PXT1: variants seen among roughly 807,000 people sequenced by gnomAD.
PXT1 encodes the protein peroxisomal testis-specific protein 1.
A neutral mutation model predicts 11.0 loss-of-function variants in PXT1; 11 were observed. The ratio of observed to expected loss-of-function variants is 1.00; its 90% CI spans 0.63 to 1.66. The LOEUF (loss-of-function observed/expected upper bound fraction) is 1.66. Among genes scored for constraint, PXT1 ranks in the 40% most tolerant of loss-of-function variants. PXT1 has a pLI of 0.00. For missense variants in PXT1, 141 were observed against 155.5 expected (o/e 0.91, Z 0.49); for synonymous variants, 43 against 51.4 (o/e 0.84, Z 0.70).
At chr6:36,441,281 T>G (rs1301100124) in intron 1 of PXT1, among the ~76,000 whole-genome samples, 1 of 152,214 alleles carries the variant, frequency 6.6e-6, no homozygotes, top group Non-Finnish European at 1.5e-5. Context: ...ATAAAGGCAT[T>G]AGTTTGAACA....
intron 1 of PXT1, 51 bp from the exon 2 acceptor site, chr6:36,438,937 G>A (rs555458012): frequency 5.9e-5 from 9 of 152,074 alleles, no homozygotes; most frequent in Non-Finnish European, 1.3e-4. Context: ...TTGGGCTTGC[G>A]AAATAAAGTT....
intron 2 of PXT1, among the ~76,000 whole-genome samples, chr6:36,426,402 C>CTTTTTT (rs1554154251): frequency 1.2e-5 from 1 of 83,396 alleles, no homozygotes; most frequent in African/African-American, 4.2e-5. Flanking sequence ...CGAAGTTTTG[C>CTTTTTT]TCTTGTTGCC....
At chr6:36,394,717 C>T (rs1264375547) in intron 4 of PXT1, among the ~76,000 whole-genome samples, 2 of 62,906 alleles carry the variant, frequency 3.2e-5, no homozygotes, top group Admixed American at 1.2e-4. Context: ...AAGCATATGT[C>T]CCGGGTTTAA....
intron 3 of PXT1, among the ~76,000 whole-genome samples, chr6:36,423,722 T>C (rs934488200): frequency 6.6e-6 from 1 of 152,182 alleles, no homozygotes; most frequent in Non-Finnish European, 1.5e-5. Flanking sequence ...AGAAACGCGC[T>C]GCTGCCTGAA....
intron 3 of PXT1, among the ~76,000 whole-genome samples, chr6:36,403,502 G>A (rs146627680): frequency 2.6e-5 from 4 of 152,276 alleles, no homozygotes; most frequent in Non-Finnish European, 4.4e-5. Context: ...TACAGAGAAC[G>A]TGATGGAGAG....
intron 3 of PXT1, among the ~76,000 whole-genome samples, chr6:36,409,110 T>TA (rs1774331025): frequency 6.6e-6 from 1 of 152,314 alleles, no homozygotes; most frequent in East Asian, 1.9e-4. Context: ...TTTATACTCC[T>TA]GATTTTGTTC....
intron 4 of PXT1, among the ~76,000 whole-genome samples, chr6:36,397,764 T>C (rs1370742219): frequency 6.6e-6 from 1 of 152,052 alleles, no homozygotes; most frequent in Non-Finnish European, 1.5e-5. Flanking sequence ...AATATACAAA[T>C]GACTCCTAGG....
chr6:36,435,494 C>T (rs996126958), intron 2 of PXT1, among the ~76,000 whole-genome samples: 5 of 152,168 alleles, frequency 3.3e-5, no homozygotes, highest in Non-Finnish European at 7.4e-5. Context: ...CCCAGGAGTT[C>T]CAGGCCGCAG....
At chr6:36,429,779 A>G (rs561340784) in intron 2 of PXT1, among the ~76,000 whole-genome samples, 7 of 151,590 alleles carry the variant, frequency 4.6e-5, no homozygotes, top group Non-Finnish European at 1.0e-4. Flanking sequence ...GGCTGGGATT[A>G]CAGGCGTGAG....
At chr6:36,418,222 G>A (rs1409322471) in intron 3 of PXT1, among the ~76,000 whole-genome samples, 2 of 152,006 alleles carry the variant, frequency 1.3e-5, no homozygotes, top group Admixed American at 6.6e-5. Context: ...AAATTTGTTA[G>A]TCTGGGAATG....
intron 1 of PXT1, among the ~76,000 whole-genome samples, chr6:36,442,094 C>G (rs1471301239): frequency 6.6e-6 from 1 of 151,976 alleles, no homozygotes; most frequent in Non-Finnish European, 1.5e-5. Context: ...TGAGAGGGAA[C>G]TTCACTGCAA....
At chr6:36,437,691 T>C (rs900286934) in intron 2 of PXT1, among the ~76,000 whole-genome samples, 8 of 151,674 alleles carry the variant, frequency 5.3e-5, no homozygotes, top group Non-Finnish European at 1.0e-4. Context: ...TTTTTTAAAA[T>C]ATTTTTAGTA....
intron 3 of PXT1, among the ~76,000 whole-genome samples, chr6:36,418,710 C>T (rs759659377): frequency 1.3e-4 from 20 of 152,196 alleles, no homozygotes; most frequent in Non-Finnish European, 2.4e-4. Flanking sequence ...CCATGGGCAG[C>T]GAGGCTGCAA....
At chr6:36,420,278 T>G (rs1462505420) in intron 3 of PXT1, among the ~76,000 whole-genome samples, 2 of 152,190 alleles carry the variant, frequency 1.3e-5, no homozygotes, top group Non-Finnish European at 2.9e-5. Flanking sequence ...ACAGCCCAAG[T>G]GTAAGTCAGT....
intron 3 of PXT1, among the ~76,000 whole-genome samples, chr6:36,417,858 G>A (rs541703025): frequency 6.6e-6 from 1 of 152,176 alleles, no homozygotes; most frequent in East Asian, 1.9e-4. Context: ...CACTGGTTTG[G>A]TTCTGAATTC....
intron 2 of PXT1, among the ~76,000 whole-genome samples, chr6:36,426,617 G>A (rs1774611869): frequency 6.6e-6 from 1 of 152,062 alleles, no homozygotes; most frequent in Admixed American, 6.6e-5. Context: ...TGATCCGCCT[G>A]CCTCAGCCTC....
In PXT1 at chr6:36,417,095, C is replaced by T. The variant is rs149642302; in HGVS notation, c.169+8819G>A. ...GCACAGTGGCTCACGCCTGTAATCCCAGCACTTTGGGAGGCCGAGGCGGGC... is the reference window on the plus strand; with the variant it reads ...GCACAGTGGCTCACGCCTGTAATCCTAGCACTTTGGGAGGCCGAGGCGGGC... On this transcript the variant is annotated intron_variant, in intron 3 of 4. Coordinates refer to ENST00000454782, the MANE Select transcript of PXT1 (RefSeq NM_152990.4). Among the ~76,000 whole-genome samples, 1,323 of 152,270 alleles carry T rather than the reference C, an allele frequency of 8.7e-3. 25 individuals carry two copies. Among genetic ancestry groups the T allele is most frequent in the African/African-American group, 0.03 (1,240 of 41,554 alleles).
At chr6:36,415,425 T>C (rs756465557) in intron 3 of PXT1, among the ~76,000 whole-genome samples, 22 of 152,040 alleles carry the variant, frequency 1.4e-4, no homozygotes, top group Non-Finnish European at 2.1e-4. Context: ...GCCTAGGCGA[T>C]GTAGTTAGAC....
intron 3 of PXT1, among the ~76,000 whole-genome samples, chr6:36,425,032 T>A (rs542446881): frequency 3.3e-5 from 5 of 152,384 alleles, no homozygotes; most frequent in African/African-American, 9.6e-5. Flanking sequence ...TTAATGTTCA[T>A]AATCCCTCTC....
Sources: gnomAD v4.1 joint callset for allele counts (sites outside exome capture counted in the v4.1 genomes callset) on GRCh38, gnomAD v4.1.1 for gene constraint, MANE v1.5 for transcripts, NCBI Gene and HGNC (gene_info 2026-07-23, HGNC 2026-07-21) for gene names.